The following ADAMTSL1 variants were observed in gnomAD, a reference collection of about 807,000 sequenced individuals.
ADAMTSL1 encodes the protein ADAMTS like 1.
In ADAMTSL1, 126 loss-of-function variants were observed where a neutral mutation model predicts 201.8. The observed-to-expected ratio is 0.62, with a 90% CI of 0.54 to 0.72. ADAMTSL1 has a LOEUF of 0.72. ADAMTSL1 is among the 30% of genes least tolerant of loss of function. The pLI is 0.00. For missense variants in ADAMTSL1, 2,679 were observed against 2,277.8 expected (o/e 1.18, Z -3.59); for synonymous variants, 1,121 against 903.4 (o/e 1.24, Z -4.32).
chr9:18,567,072 A>G (rs1249344622), intron 3 of ADAMTSL1, among the ~76,000 whole-genome samples: 1 of 152,142 alleles, frequency 6.6e-6, no homozygotes, highest in Non-Finnish European at 1.5e-5. Context: ...GGTCTACTGA[A>G]TTAGAAGCTC....
intron 2 of ADAMTSL1, among the ~76,000 whole-genome samples, chr9:18,254,554 G>T (rs1831602561): frequency 6.6e-6 from 1 of 151,386 alleles, no homozygotes; most frequent in South Asian, 2.1e-4. Context: ...TAGTAAAGAC[G>T]GGGTTTCACC....
At chr9:18,087,958 T>C (rs918011240) in intron 1 of ADAMTSL1, among the ~76,000 whole-genome samples, 2 of 152,112 alleles carry the variant, frequency 1.3e-5, no homozygotes, top group Non-Finnish European at 2.9e-5. Flanking sequence ...CTCTAACTTA[T>C]ATTAAACAAT....
At chr9:18,043,437 G>T (rs1043605443) in intron 1 of ADAMTSL1, among the ~76,000 whole-genome samples, 6 of 152,112 alleles carry the variant, frequency 3.9e-5, no homozygotes, top group Admixed American at 3.9e-4. Flanking sequence ...GCCAGTTCAA[G>T]CTATTTTACC....
chr9:18,399,069 G>A (rs1817860467), intron 2 of ADAMTSL1, among the ~76,000 whole-genome samples: 2 of 151,560 alleles, frequency 1.3e-5, no homozygotes, highest in African/African-American at 4.8e-5. Context: ...GTTCTCTCCT[G>A]GGGTTACAGA....
chr9:18,500,991 A>T (rs1169940473), intron 1 of ADAMTSL1, among the ~76,000 whole-genome samples: 1 of 152,210 alleles, frequency 6.6e-6, no homozygotes, highest in African/African-American at 2.4e-5. Context: ...GAGACATTGA[A>T]TTAAAATATT....
At chr9:18,305,325 C>A (rs979705722) in intron 2 of ADAMTSL1, among the ~76,000 whole-genome samples, 5 of 152,106 alleles carry the variant, frequency 3.3e-5, no homozygotes, top group African/African-American at 1.2e-4. Context: ...TTTTTCATTC[C>A]CCAGTGGCAC....
chr9:18,838,675 T>A (rs1268621457), intron 23 of ADAMTSL1, among the ~76,000 whole-genome samples: 4 of 151,326 alleles, frequency 2.6e-5, no homozygotes, highest in Non-Finnish European at 4.4e-5. Context: ...AAAATTTTTT[T>A]AAAATATAAC....
At chr9:18,410,949 C>A (rs905135670) in intron 2 of ADAMTSL1, among the ~76,000 whole-genome samples, 5 of 150,638 alleles carry the variant, frequency 3.3e-5, no homozygotes, top group African/African-American at 1.2e-4. Flanking sequence ...TCAAGCGATT[C>A]TCCTGCCTCA....
chr9:18,611,835 T>C (rs1476384540), intron 4 of ADAMTSL1, among the ~76,000 whole-genome samples: 1 of 152,192 alleles, frequency 6.6e-6, no homozygotes, highest in African/African-American at 2.4e-5. Flanking sequence ...CTCTATAATT[T>C]AACCACAGAG....
At chr9:18,674,452 C>T (rs1564139699) in intron 9 of ADAMTSL1, among the ~76,000 whole-genome samples, 1 of 151,902 alleles carries the variant, frequency 6.6e-6, no homozygotes, top group African/African-American at 2.4e-5. Flanking sequence ...AGAAACTATG[C>T]AGGCCCCTTT....
chr9:18,760,835 C>A (rs943332262), intron 16 of ADAMTSL1, among the ~76,000 whole-genome samples: 2 of 152,222 alleles, frequency 1.3e-5, no homozygotes, highest in Non-Finnish European at 2.9e-5. Flanking sequence ...TGCCAGCATC[C>A]TCATCTCCCT....
chr9:18,005,098 C>T (rs1214825520), intron 1 of ADAMTSL1, among the ~76,000 whole-genome samples: 1 of 152,076 alleles, frequency 6.6e-6, no homozygotes, highest in Non-Finnish European at 1.5e-5. Context: ...GTAGCTTACG[C>T]TATAATGAGG....
At chr9:18,680,737 C>G (rs1002131000) in intron 11 of ADAMTSL1, 4 of 550,076 alleles carry the variant, frequency 7.3e-6, no homozygotes, top group Non-Finnish European at 1.3e-5. Flanking sequence ...CAAGAAGCCT[C>G]TATTGTTCCC....
chr9:18,348,410 T>G lies in ADAMTSL1; in HGVS notation c.208-156419T>G, dbSNP rs1340048. 3.2e-4 allele frequency among the ~76,000 whole-genome samples: 48 copies of G among 152,056 alleles called. No homozygotes were observed. In the South Asian group the frequency reaches 9.7e-3, roughly 31 times the overall value. ...TAAGTTAGGTGTTTAGGATGAATTT[T>G]GGATTTTGGACAAGTTGCTTAATTT... is the stretch of plus-strand genomic sequence containing the variant. On this transcript the variant is annotated intron_variant, in intron 2 of 29. Coordinates refer to the ADAMTSL1 transcript ENST00000680146.
At chr9:18,582,868 A>T (rs967772222) in intron 4 of ADAMTSL1, among the ~76,000 whole-genome samples, 1 of 148,178 alleles carries the variant, frequency 6.7e-6, no homozygotes, top group Non-Finnish European at 1.5e-5. Flanking sequence ...TAAAATAAAT[A>T]AAATAAAATA....
intron 2 of ADAMTSL1, among the ~76,000 whole-genome samples, chr9:18,248,708 CG>C (rs1299494793): frequency 1.3e-5 from 2 of 152,110 alleles, no homozygotes; most frequent in African/African-American, 2.4e-5. Flanking sequence ...TCGTCCATTG[CG>C]GGGGGCCATA....
chr9:18,664,326 TCCAGAA>T (rs1829297027), intron 9 of ADAMTSL1, among the ~76,000 whole-genome samples: 1 of 151,906 alleles, frequency 6.6e-6, no homozygotes, highest in Non-Finnish European at 1.5e-5. Context: ...TAGAATAGAC[TCCAGAA>T]AATAGATCTG....
At chr9:18,235,053 C>A (rs891004219) in intron 2 of ADAMTSL1, among the ~76,000 whole-genome samples, 1 of 152,110 alleles carries the variant, frequency 6.6e-6, no homozygotes, top group Non-Finnish European at 1.5e-5. Flanking sequence ...TGCTGTTAAC[C>A]AAATCCTAAA....
At chr9:18,205,978 C>T (rs1332801210) in intron 2 of ADAMTSL1, among the ~76,000 whole-genome samples, 7 of 137,334 alleles carry the variant, frequency 5.1e-5, no homozygotes, top group Admixed American at 1.6e-4. Context: ...CACTTGAAAC[C>T]GGGAGACAGA....
Sources: gnomAD v4.1 joint callset for allele counts (sites outside exome capture counted in the v4.1 genomes callset) on GRCh38, gnomAD v4.1.1 for gene constraint, MANE v1.5 for transcripts, NCBI Gene and HGNC (gene_info 2026-07-23, HGNC 2026-07-21) for gene names.